MRS2: variants seen among roughly 807,000 people sequenced by gnomAD.
The protein encoded by MRS2 is magnesium transporter MRS2, also known as magnesium transporter MRS2 homolog, mitochondrial.
A neutral mutation model predicts 52.6 loss-of-function variants in MRS2; 40 were observed. The observed-to-expected ratio is 0.76, with a 90% CI of 0.59 to 0.99. The LOEUF (loss-of-function observed/expected upper bound fraction) is 0.99, where lower values mean the gene tolerates loss of function less well. Among genes scored for constraint, MRS2 ranks in the 50% least tolerant of loss-of-function variants. The probability of loss-of-function intolerance (pLI) is 0.00; values close to 1 mark genes in which losing one functional copy is unlikely to be tolerated. For synonymous variants in MRS2, 193 were observed against 195.9 expected, an observed-to-expected ratio of 0.98 and a Z score of 0.13; for missense variants, 472 against 532.7, an observed-to-expected ratio of 0.89 and a Z score of 1.12.
At chr6:24,411,190 C>CA (rs201560318) in intron 4 of MRS2, among the ~76,000 whole-genome samples, 16,714 of 104,052 alleles carry the variant, frequency 0.16, 1,211 homozygotes, top group East Asian at 0.2. Context: ...ACTTCCATCT[C>CA]AAAAAAAAAA....
intron 9 of MRS2, 79 bp from the exon 10 acceptor site, chr6:24,422,858 C>A: frequency 2.1e-6 from 2 of 972,106 alleles, no homozygotes; most frequent in African/African-American, 1.6e-5. Flanking sequence ...GGCTTTCAAA[C>A]TCTGGGGCAG....
chr6:24,403,299 C>T, intron 1 of MRS2, 63 bp downstream of exon 1: 3 of 1,418,826 alleles, frequency 2.1e-6, no homozygotes, highest in Non-Finnish European at 2.8e-6. Context: ...AGACTGCTGC[C>T]CCAGCCGTCC....
At chr6:24,421,383 C>T (rs1762036062) in intron 9 of MRS2, among the ~76,000 whole-genome samples, 2 of 138,196 alleles carry the variant, frequency 1.4e-5, no homozygotes, top group Admixed American at 1.4e-4. Flanking sequence ...TTACAAATTA[C>T]ACATCTTTGT....
chr6:24,417,969 A>T, intron 7 of MRS2, 115 bp from the exon 8 acceptor site: 11 of 777,478 alleles, frequency 1.4e-5, no homozygotes, highest in Non-Finnish European at 2.0e-5. Flanking sequence ...GACAAGACAA[A>T]GGCTAGCTTT....
At chr6:24,418,003 T>C in intron 7 of MRS2, 81 bp from the exon 8 acceptor site, 4 of 1,167,918 alleles carry the variant, frequency 3.4e-6, no homozygotes, top group East Asian at 4.9e-5. Context: ...GAATGCTATA[T>C]ACTAATTTAG....
intron 9 of MRS2, among the ~76,000 whole-genome samples, chr6:24,419,876 G>GA (rs1256001420): frequency 6.6e-6 from 1 of 152,186 alleles, no homozygotes; most frequent in African/African-American, 2.4e-5. Context: ...TGTTTTCACA[G>GA]AATAGCTTAT....
intron 9 of MRS2, chr6:24,419,227 G>A (rs1761963994): frequency 6.6e-6 from 1 of 152,304 alleles, no homozygotes; most frequent in African/African-American, 2.4e-5. Context: ...ACAGGACAGA[G>A]TGAGACTCTG....
intron 5 of MRS2, 109 bp from the exon 6 acceptor site, chr6:24,414,924 C>T: frequency 1.1e-6 from 1 of 935,280 alleles, no homozygotes; most frequent in Non-Finnish European, 1.5e-6. Context: ...GAAATGTTAC[C>T]AGCATTTCAA....
chr6:24,409,785 G>A (rs1761593057), intron 4 of MRS2, among the ~76,000 whole-genome samples: 1 of 152,138 alleles, frequency 6.6e-6, no homozygotes, highest in Non-Finnish European at 1.5e-5. Flanking sequence ...ACACTGCTGT[G>A]TTTTAAGTTG....
At chr6:24,418,278 A>G (rs745632369) in intron 8 of MRS2, 42 bp downstream of exon 8, 17 of 1,483,832 alleles carry the variant, frequency 1.1e-5, no homozygotes, top group African/African-American at 1.4e-5. Context: ...TTAATAAAAT[A>G]ATTATAAGAA....
rs564794732 is a variant in MRS2 at position 24,409,089 on chromosome 6, T to C, written c.302-372T>C. On this transcript the variant is annotated intron_variant, in intron 3 of 10. Coordinates refer to ENST00000378386, the MANE Select transcript of MRS2 (RefSeq NM_020662.4). ...AGCTTATCTGTTCACATATATAAAA[T>C]ACTGAAGATGATGTTGTAGTAAAAA... Among the ~76,000 whole-genome samples the C allele has an allele frequency of 5.3e-5, 8 of 152,324 alleles. No homozygotes were observed. The South Asian group carries it at 1.7e-3, about 32-fold the overall frequency.
At chr6:24,407,042 A>T (rs1172388897) in intron 2 of MRS2, among the ~76,000 whole-genome samples, 1 of 152,030 alleles carries the variant, frequency 6.6e-6, no homozygotes, top group Non-Finnish European at 1.5e-5. Context: ...AATATTCAGC[A>T]TATGTTGCTA....
At chr6:24,412,168 T>G in intron 4 of MRS2, 54 bp from the exon 5 acceptor site, 1 of 1,055,688 alleles carries the variant, frequency 9.5e-7, no homozygotes, top group Non-Finnish European at 1.3e-6. Flanking sequence ...TATACATGCA[T>G]GTGTGTATAT....
chr6:24,410,655 TAAAA>T, intron 4 of MRS2: 1 of 1,228,300 alleles, frequency 8.1e-7, no homozygotes, highest in Non-Finnish European at 1.1e-6. Flanking sequence ...ATCCCATCTC[TAAAA>T]ATAAATAAGT....
rs1761424238 is a variant in MRS2, at chr6:24,405,243, T to C, written c.264+2T>C. On this transcript the variant is annotated splice_donor_variant, in intron 2 of 10. Transcript: ENST00000378386. LOFTEE classifies it high-confidence loss of function. Reference sequence around the variant, plus strand: ...AGTGTAGCCCCAGTATTTACTGTGGTGAGTATGTACAGTACATTGGAAATC... The same window carrying C: ...AGTGTAGCCCCAGTATTTACTGTGGCGAGTATGTACAGTACATTGGAAATC... The C allele has an allele frequency of 3.1e-6, 5 of 1,607,080 alleles. No individual in the cohort carries two copies. Among genetic ancestry groups the C allele is most frequent in the Non-Finnish European group, 4.3e-6 (5 of 1,173,732 alleles).
chr6:24,419,985 A>G (rs772740013), intron 9 of MRS2, among the ~76,000 whole-genome samples: 4 of 152,192 alleles, frequency 2.6e-5, no homozygotes, highest in Non-Finnish European at 4.4e-5. Flanking sequence ...TGTTGCCCAC[A>G]TCACCTCCCA....
chr6:24,409,759 A>G (rs1194645941), intron 4 of MRS2, among the ~76,000 whole-genome samples, 186 bp downstream of exon 4: 1 of 152,200 alleles, frequency 6.6e-6, no homozygotes, highest in Non-Finnish European at 1.5e-5. Flanking sequence ...TTATATGCAC[A>G]TGTTCAATAG....
At position 24,423,683 on chromosome 6, in the gene MRS2, A is replaced by G. The variant is rs1310079131; in HGVS notation, c.1321A>G (p.Thr441Ala). Residue 441 changes from threonine to alanine, a missense_variant, in exon 11 of 11, where the codon ACA becomes GCA. Thr to Ala is a moderately conservative substitution (Grantham distance 58, BLOSUM62 0). Transcript: ENST00000378386. ...ACTTGGATCAGGAAGGAGCATCCTA[A>G]CAAACCGTTAGGAACAGCCCCGTGG... The part of the protein sequence containing the change: ...DGLGSGRSIL[T>A]NR 1 of 1,602,354 alleles carries G rather than the reference A, an allele frequency of 6.2e-7. No homozygotes were observed. Among genetic ancestry groups the G allele is most frequent in the South Asian group, 1.1e-5 (1 of 90,548 alleles).
At chr6:24,420,395 G>A (rs967735824) in intron 9 of MRS2, among the ~76,000 whole-genome samples, 2 of 152,228 alleles carry the variant, frequency 1.3e-5, no homozygotes, top group African/African-American at 2.4e-5. Context: ...AAGAGCATGA[G>A]CTCCTTGAAG....
Sources: gnomAD v4.1 joint callset for allele counts (sites outside exome capture counted in the v4.1 genomes callset) on GRCh38, gnomAD v4.1.1 for gene constraint, MANE v1.5 for transcripts, NCBI Gene and HGNC (gene_info 2026-07-23, HGNC 2026-07-21) for gene names.